The following KCNQ1 variants were observed in gnomAD, a reference collection of about 807,000 sequenced individuals.
The protein encoded by KCNQ1 is potassium voltage-gated channel subfamily KQT member 1.
KCNQ1 carries 49 observed loss-of-function variants against 72.4 expected under a neutral mutation model. That is an observed-to-expected ratio of 0.68 (90% CI 0.54 to 0.86). KCNQ1 has a LOEUF of 0.86. KCNQ1 is among the 40% of genes least tolerant of loss of function. The pLI is 0.00. For missense variants in KCNQ1, 790 were observed against 945.1 expected (o/e 0.84, Z 2.15); for synonymous variants, 450 against 412.6 (o/e 1.09, Z -1.10).
At chr11:2,667,867 T>C in intron 11 of KCNQ1, 1 of 398,602 alleles carries the variant, frequency 2.5e-6, no homozygotes, top group Non-Finnish European at 4.4e-6. Flanking sequence ...GCACACAGAT[T>C]AGTACACAGG....
At chr11:2,728,523 G>A (rs1845802542) in intron 11 of KCNQ1, among the ~76,000 whole-genome samples, 1 of 152,204 alleles carries the variant, frequency 6.6e-6, no homozygotes, top group Admixed American at 6.5e-5. Context: ...CGCCCACTAG[G>A]GTCCAGGTCA....
rs960836774 is a variant in KCNQ1 at position 2,680,882 on chromosome 11, A to G, written c.1514+18801A>G. 24 of 398,432 alleles carry G rather than the reference A, an allele frequency of 6.0e-5. No individual in the cohort carries two copies. In the Admixed American group the frequency reaches 1.1e-3, roughly 18 times the overall value. 24.7% of individuals were successfully genotyped at this position (398,432 alleles called of 1,614,324 possible). A position where few individuals can be genotyped will look rare whatever the true frequency, so the allele number is the denominator to read the frequency against. ...AATTCCCTGAAGATTCACCCAGGTT[A>G]TTGTGTGTATCCTTGCATTTTGGTA... On this transcript the variant is annotated intron_variant, in intron 11 of 15. Transcript: ENST00000155840.
intron 10 of KCNQ1, chr11:2,639,379 G>C (rs779580672): frequency 1.3e-5 from 2 of 152,238 alleles, no homozygotes; most frequent in African/African-American, 4.8e-5. Context: ...GTGACGTATA[G>C]ATGGAGTTTT....
chr11:2,804,082 T>C (rs1443201095), intron 15 of KCNQ1, among the ~76,000 whole-genome samples: 1 of 152,064 alleles, frequency 6.6e-6, no homozygotes, highest in Non-Finnish European at 1.5e-5. Context: ...CTGCATTTTC[T>C]TAGGAAGTGC....
intron 15 of KCNQ1, among the ~76,000 whole-genome samples, chr11:2,841,422 G>A (rs752946506): frequency 3.3e-5 from 5 of 152,162 alleles, no homozygotes; most frequent in Non-Finnish European, 5.9e-5. Context: ...CAGGCAGTGA[G>A]GTGGTTGTGA....
intron 11 of KCNQ1, chr11:2,697,107 CAAAGAT>C (rs1739970216): frequency 2.5e-6 from 1 of 398,550 alleles, no homozygotes; most frequent in Non-Finnish European, 4.4e-6. Flanking sequence ...TTCATTCTCA[CAAAGAT>C]AAAGAGTTTT....
Position 2,659,377 on chromosome 11 carries a change from T to C in KCNQ1, c.1394-2584T>C. 2.5e-6 allele frequency: 1 copy of C among 398,654 alleles called. No homozygotes were observed. The highest frequency in any genetic ancestry group is 4.4e-6 in the Non-Finnish European group (1 of 226,058). 24.7% of individuals were successfully genotyped at this position (398,654 alleles called of 1,614,324 possible). On this transcript the variant is annotated intron_variant, in intron 10 of 15. Transcript: ENST00000155840. The surrounding 1 kb of genome is among the most constrained non-coding windows in gnomAD (Gnocchi z 4.3). ...AATATGTATTCTTTTGCATCTGGCT[T>C]CTTTCACTGCTTAGCAAAATGCATT...
rs1846520923 is a variant in KCNQ1, at chr11:2,767,513, C to G, written c.1515-1331C>G. 6.6e-6 allele frequency among the ~76,000 whole-genome samples: 1 copy of G among 152,180 alleles called. No individual in the cohort carries two copies. The highest frequency in any genetic ancestry group is 2.1e-4 in the South Asian group (1 of 4,832). On this transcript the variant is annotated intron_variant, in intron 11 of 15. Transcript: ENST00000155840. This position sits in a 1 kb window ranked among gnomAD's most constrained non-coding sequence, Gnocchi z 4.6. ...CTGTATGATCTCTCTTTTCCCTTGC[C>G]TTTTAGTCTTTCGTGTATAAAATTG...
At position 2,735,063 on chromosome 11, in the gene KCNQ1, C is replaced by T. The variant is rs553530246; in HGVS notation, c.1515-33781C>T. 6.6e-6 allele frequency among the ~76,000 whole-genome samples: 1 copy of T among 152,264 alleles called. No homozygotes were observed. Among genetic ancestry groups the T allele is most frequent in the African/African-American group, 2.4e-5 (1 of 41,554 alleles). ...AGGCACATGTGCCAGGGAAGCCCTG[C>T]CTTGTCATCACCTGTGCCGTGGCTG... On this transcript the variant is annotated intron_variant, in intron 11 of 15. Transcript: ENST00000155840. This position sits in a 1 kb window ranked among gnomAD's most constrained non-coding sequence, Gnocchi z 7.7.
intron 15 of KCNQ1, among the ~76,000 whole-genome samples, chr11:2,790,746 C>T (rs559131074): frequency 6.6e-6 from 1 of 152,354 alleles, no homozygotes; most frequent in South Asian, 2.1e-4. Context: ...GTGGCGTGGG[C>T]AGTGTCACAA....
At chr11:2,758,131 A>G (rs974842369) in intron 11 of KCNQ1, among the ~76,000 whole-genome samples, 5 of 152,212 alleles carry the variant, frequency 3.3e-5, no homozygotes, top group African/African-American at 1.2e-4. Context: ...AATGCAAACT[A>G]TAGACTTGGA....
chr11:2,799,019 C>T (rs902976395), intron 15 of KCNQ1, among the ~76,000 whole-genome samples: 3 of 152,194 alleles, frequency 2.0e-5, no homozygotes, highest in Admixed American at 6.5e-5. Context: ...GGTCAGGCGG[C>T]ACTTACCTGG....
At chr11:2,628,221 C>T (rs1219942294) in intron 10 of KCNQ1, 1 of 398,468 alleles carries the variant, frequency 2.5e-6, no homozygotes, top group African/African-American at 2.1e-5. Context: ...TCGTGTTTTC[C>T]ATAATGACTG....
At position 2,659,237 on chromosome 11, in the gene KCNQ1, C is replaced by T. The variant is rs1352157814; in HGVS notation, c.1394-2724C>T. On this transcript the variant is annotated intron_variant, in intron 10 of 15. Coordinates refer to ENST00000155840, the MANE Select transcript of KCNQ1 (RefSeq NM_000218.3). The surrounding 1 kb of genome is among the most constrained non-coding windows in gnomAD (Gnocchi z 4.3). ...AGAAGTTCCATACCCCTAAAAATACCCTGGGGTGAGTCTTTTGAAGTCAAG... is the reference window on the plus strand; with the variant it reads ...AGAAGTTCCATACCCCTAAAAATACTCTGGGGTGAGTCTTTTGAAGTCAAG... The T allele has an allele frequency of 1.0e-5, 4 of 398,448 alleles. No individual in the cohort carries two copies. Among genetic ancestry groups the T allele is most frequent in the Non-Finnish European group, 1.8e-5 (4 of 226,068 alleles). The allele number at this position is 398,448 out of a possible 1,614,324, so 24.7% of individuals were successfully genotyped here.
Position 2,617,299 on chromosome 11 carries a change from A to G in KCNQ1, c.1393+28445A>G, listed in dbSNP as rs923672096. ...TGTATATTTGACTTTTTTCTTTTTA[A>G]GATTCTACATATAGGTGAGATTATT... is the stretch of plus-strand genomic sequence containing the variant. On this transcript the variant is annotated intron_variant, in intron 10 of 15. Coordinates refer to ENST00000155840, the MANE Select transcript of KCNQ1 (RefSeq NM_000218.3). The surrounding 1 kb of genome is among the most constrained non-coding windows in gnomAD (Gnocchi z 4.6). The G allele has an allele frequency of 5.0e-6, 2 of 398,212 alleles. No homozygotes were observed. Among genetic ancestry groups the G allele is most frequent in the Non-Finnish European group, 8.9e-6 (2 of 225,922 alleles). The allele number at this position is 398,212 out of a possible 1,614,324, so 24.7% of individuals were successfully genotyped here.
chr11:2,616,589 C>A (rs1454786249), intron 10 of KCNQ1: 1 of 397,974 alleles, frequency 2.5e-6, no homozygotes, highest in African/African-American at 2.1e-5. Context: ...GTTGTGTCGT[C>A]ATTTTCACTT....
rs1233125518 is a variant in KCNQ1 at position 2,478,925 on chromosome 11, C to T, written c.386+33441C>T. Among the ~76,000 whole-genome samples the T allele has an allele frequency of 6.6e-6, 1 of 152,112 alleles. No individual in the cohort carries two copies. Among genetic ancestry groups the T allele is most frequent in the East Asian group, 1.9e-4 (1 of 5,190 alleles). ...GGGTACAGGCCTTGGATAAATACAC[C>T]CATTTGAAATGGGAGTAATTGGCCA... On this transcript the variant is annotated intron_variant, in intron 1 of 15. Transcript: ENST00000155840. The surrounding 1 kb of genome is among the most constrained non-coding windows in gnomAD (Gnocchi z 4.0).
intron 11 of KCNQ1, chr11:2,667,388 A>T (rs1268117409): frequency 2.5e-6 from 1 of 398,516 alleles, no homozygotes; most frequent in Non-Finnish European, 4.4e-6. Flanking sequence ...GCCCCAGTGC[A>T]CTCTGGCCAG....
chr11:2,500,013 A>G (rs1045097506), intron 1 of KCNQ1, among the ~76,000 whole-genome samples: 1 of 152,228 alleles, frequency 6.6e-6, no homozygotes, highest in Non-Finnish European at 1.5e-5. Flanking sequence ...TAATAATGAG[A>G]CATTTTGGAA....
Sources: allele counts gnomAD v4.1 joint callset (sites outside exome capture counted in the v4.1 genomes callset), GRCh38; gene constraint gnomAD v4.1.1; non-coding constraint Gnocchi (gnomAD v3.1); transcripts MANE v1.5; gene names NCBI Gene and HGNC (gene_info 2026-07-23, HGNC 2026-07-21).